GALNT2: variants seen among roughly 807,000 people sequenced by gnomAD.
GALNT2 encodes polypeptide N-acetylgalactosaminyltransferase 2, also known as UDP-GalNAc:polypeptide N-acetylgalactosaminyltransferase 2.
GALNT2 carries 31 observed loss-of-function variants against 81.4 expected under a neutral mutation model. The observed-to-expected ratio is 0.38, with a 90% CI of 0.29 to 0.51. The LOEUF (loss-of-function observed/expected upper bound fraction) is 0.51. GALNT2 is among the 20% of genes least tolerant of loss of function. The pLI is 0.87. For missense variants in GALNT2, 629 were observed against 765.7 expected (o/e 0.82, Z 2.11); for synonymous variants, 303 against 287.4 (o/e 1.05, Z -0.55).
intron 1 of GALNT2, among the ~76,000 whole-genome samples, chr1:230,097,241 T>G (rs1660278492): frequency 6.6e-6 from 1 of 152,210 alleles, no homozygotes; most frequent in Non-Finnish European, 1.5e-5. Context: ...TATTTCCTTA[T>G]TTTTTTCATG....
intron 1 of GALNT2, among the ~76,000 whole-genome samples, chr1:230,110,392 C>A (rs1404716120): frequency 6.6e-6 from 1 of 152,144 alleles, no homozygotes; most frequent in African/African-American, 2.4e-5. Flanking sequence ...CTCTGACGGC[C>A]TGGGAGCCCC....
intron 3 of GALNT2, among the ~76,000 whole-genome samples, chr1:230,233,978 A>G (rs975116846): frequency 2.6e-5 from 4 of 152,206 alleles, no homozygotes; most frequent in Non-Finnish European, 4.4e-5. Flanking sequence ...GGAGGTGGCA[A>G]CAAGTTATGG....
intron 2 of GALNT2, among the ~76,000 whole-genome samples, chr1:230,182,452 T>C (rs1663190545): frequency 6.6e-6 from 1 of 152,242 alleles, no homozygotes; most frequent in Non-Finnish European, 1.5e-5. Flanking sequence ...TTTGGAAATT[T>C]AAAATCATTT....
intron 14 of GALNT2, among the ~76,000 whole-genome samples, chr1:230,268,644 C>T (rs1295613081): frequency 6.6e-6 from 1 of 152,186 alleles, no homozygotes; most frequent in Non-Finnish European, 1.5e-5. Flanking sequence ...GCCAGCATTG[C>T]ACCTTAATTA....
At chr1:230,236,617 T>C in intron 5 of GALNT2, 43 bp from the exon 6 acceptor site, 2 of 1,586,490 alleles carry the variant, frequency 1.3e-6, no homozygotes, top group Non-Finnish European at 1.7e-6. Flanking sequence ...AAGCCCTTTA[T>C]GAACTCCAGG....
In GALNT2 at chr1:230,169,957, A is replaced by C. The variant is rs1238167954; in HGVS notation, c.127-8261A>C. Among the ~76,000 whole-genome samples the C allele has an allele frequency of 5.3e-5, 8 of 152,344 alleles. No homozygotes were observed. In the East Asian group the frequency reaches 1.5e-3, roughly 29 times the overall value. ...ATGGATGAAGCCAGTGGTTCTGAACACTGAGAACTGCCTGGGAGCTTCTAG... is the reference window on the plus strand; with the variant it reads ...ATGGATGAAGCCAGTGGTTCTGAACCCTGAGAACTGCCTGGGAGCTTCTAG... On this transcript the variant is annotated intron_variant, in intron 1 of 15. Coordinates refer to ENST00000366672, the MANE Select transcript of GALNT2 (RefSeq NM_004481.5).
At chr1:230,261,174 T>C (rs1665867811) in intron 11 of GALNT2, among the ~76,000 whole-genome samples, 1 of 151,734 alleles carries the variant, frequency 6.6e-6, no homozygotes, top group South Asian at 2.1e-4. Context: ...TGCCTTGAGA[T>C]AAATTTCTAG....
intron 1 of GALNT2, among the ~76,000 whole-genome samples, chr1:230,150,695 T>C (rs1234050090): frequency 6.6e-6 from 1 of 152,220 alleles, no homozygotes; most frequent in Non-Finnish European, 1.5e-5. Flanking sequence ...AGTGCCTGGC[T>C]CCTCATTAGA....
intron 1 of GALNT2, among the ~76,000 whole-genome samples, chr1:230,133,330 A>C (rs1661429386): frequency 6.6e-6 from 1 of 152,254 alleles, no homozygotes. Context: ...AAGGTTGTAC[A>C]AGTTTACACT....
intron 1 of GALNT2, among the ~76,000 whole-genome samples, chr1:230,164,033 T>A (rs901107413): frequency 1.3e-5 from 2 of 151,902 alleles, no homozygotes; most frequent in African/African-American, 4.8e-5. Context: ...TTTGGGAGGG[T>A]CTCAGTTTTG....
chr1:230,170,559 A>C (rs1406149040), intron 1 of GALNT2, among the ~76,000 whole-genome samples: 1 of 152,210 alleles, frequency 6.6e-6, no homozygotes, highest in Non-Finnish European at 1.5e-5. Context: ...TTACTAGCCT[A>C]GTATATTGGT....
At chr1:230,079,598 G>A (rs1659667340) in intron 1 of GALNT2, among the ~76,000 whole-genome samples, 1 of 152,236 alleles carries the variant, frequency 6.6e-6, no homozygotes, top group African/African-American at 2.4e-5. Flanking sequence ...TTTCCCTCTT[G>A]CTGACGCAGA....
chr1:230,259,453 C>T (rs1453892270), intron 11 of GALNT2: 1 of 152,210 alleles, frequency 6.6e-6, no homozygotes, highest in African/African-American at 2.4e-5. Flanking sequence ...TCACCTTGCC[C>T]GCTGCCCAGA....
Position 230,243,291 on chromosome 1 carries a change from A to G in GALNT2, c.608-15A>G. 1 of 1,588,032 alleles carries G rather than the reference A, an allele frequency of 6.3e-7. No homozygotes were observed. The highest frequency in any genetic ancestry group is 8.6e-7 in the Non-Finnish European group (1 of 1,169,492). On this transcript the variant is annotated splice_polypyrimidine_tract_variant and intron_variant, in intron 6 of 15. Coordinates refer to ENST00000366672, the MANE Select transcript of GALNT2 (RefSeq NM_004481.5). This position sits in a 1 kb window ranked among gnomAD's most constrained non-coding sequence, Gnocchi z 4.2. ...GCTTCTCTCTCCTGACGTGCTTTCCAACTCGCCTCTGCAGGCCTCATGCGC... is the reference window on the plus strand; with the variant it reads ...GCTTCTCTCTCCTGACGTGCTTTCCGACTCGCCTCTGCAGGCCTCATGCGC...
intron 8 of GALNT2, among the ~76,000 whole-genome samples, chr1:230,247,969 T>A (rs1665425503): frequency 6.6e-6 from 1 of 152,240 alleles, no homozygotes; most frequent in South Asian, 2.1e-4. Context: ...CTGGTTTTCC[T>A]TCGTGGCCTT....
chr1:230,146,816 G>A (rs181645962), intron 1 of GALNT2, among the ~76,000 whole-genome samples: 28 of 152,314 alleles, frequency 1.8e-4, no homozygotes, highest in African/African-American at 6.3e-4. Flanking sequence ...GCGGCCCCAC[G>A]TGTTGGCGGG....
At chr1:230,066,935 G>C (rs1466701757), upstream of GALNT2, among the ~76,000 whole-genome samples, 1 of 150,638 alleles carries the variant, frequency 6.6e-6, no homozygotes, top group Admixed American at 6.6e-5. Flanking sequence ...AGGCCCTCAC[G>C]GCGGAGCCCG....
At chr1:230,203,437 G>T in intron 3 of GALNT2, 147 bp downstream of exon 3, 1 of 917,096 alleles carries the variant, frequency 1.1e-6, no homozygotes, top group Non-Finnish European at 1.7e-6. Context: ...GAGGTATATG[G>T]CAATGGAACT....
At chr1:230,184,208 C>T (rs1413404528) in intron 2 of GALNT2, among the ~76,000 whole-genome samples, 13 of 131,692 alleles carry the variant, frequency 9.9e-5, no homozygotes, top group African/African-American at 1.5e-4. Context: ...TTTTTTTTTG[C>T]GACAGAGTCT....
Sources: allele counts gnomAD v4.1 joint callset (sites outside exome capture counted in the v4.1 genomes callset), GRCh38; gene constraint gnomAD v4.1.1; non-coding constraint Gnocchi (gnomAD v3.1); transcripts MANE v1.5; gene names NCBI Gene and HGNC (gene_info 2026-07-23, HGNC 2026-07-21).